Variants in CHN1 observed in about 807,000 individuals in gnomAD.
The protein encoded by CHN1 is N-chimaerin.
A neutral mutation model predicts 59.5 loss-of-function variants in CHN1; 37 were observed. That is an observed-to-expected ratio of 0.62 (90% CI 0.48 to 0.82). The LOEUF is 0.82. CHN1 is among the 40% of genes least tolerant of loss of function. The pLI, the probability that CHN1 is intolerant of heterozygous loss-of-function variation, is 0.00. For missense variants in CHN1, 469 were observed against 571.0 expected (o/e 0.82, Z 1.82); for synonymous variants, 206 against 200.4 (o/e 1.03, Z -0.24).
At chr2:174,903,101 C>G (rs1688438571) in intron 5 of CHN1, among the ~76,000 whole-genome samples, 1 of 152,158 alleles carries the variant, frequency 6.6e-6, no homozygotes, top group South Asian at 2.1e-4. Flanking sequence ...ATTCTAAACT[C>G]AAAGCCACAA....
At chr2:174,928,250 A>G (rs1441067677) in intron 3 of CHN1, among the ~76,000 whole-genome samples, 3 of 152,216 alleles carry the variant, frequency 2.0e-5, no homozygotes, top group Non-Finnish European at 4.4e-5. Context: ...TAATCATAGT[A>G]ATTCTATATA....
At chr2:174,958,879 T>C (rs1323870680) in intron 1 of CHN1, among the ~76,000 whole-genome samples, 1 of 152,176 alleles carries the variant, frequency 6.6e-6, no homozygotes, top group East Asian at 1.9e-4. Context: ...AAGCCGCTGT[T>C]AATGATTTCA....
intron 1 of CHN1, among the ~76,000 whole-genome samples, chr2:174,985,728 T>A (rs1470815877): frequency 1.3e-5 from 2 of 152,204 alleles, no homozygotes; most frequent in Non-Finnish European, 2.9e-5. Context: ...GTTTAAAATG[T>A]TAAATTGAAG....
In CHN1 at chr2:174,799,896, C is replaced by T. The variant is rs767492730; in HGVS notation, c.*220G>A. 3.0e-5 allele frequency: 19 copies of T among 640,790 alleles called. No homozygotes were observed. The highest frequency in any genetic ancestry group is 5.2e-5 in the Non-Finnish European group (18 of 347,874). 39.7% of individuals were successfully genotyped at this position (640,790 alleles called of 1,614,324 possible). On this transcript the variant is annotated 3_prime_UTR_variant, in exon 13 of 13. Transcript: ENST00000409900. ...ATGCAATAGCTTGAGTTTCTCTGAA[C>T]GTGATAAACACCCAGGATTACTAGA...
chr2:174,912,461 G>C (rs1301279087), intron 5 of CHN1, among the ~76,000 whole-genome samples: 4 of 152,182 alleles, frequency 2.6e-5, no homozygotes, highest in Admixed American at 2.6e-4. Flanking sequence ...AAAGTGTTGA[G>C]TTCAGTTTGA....
At chr2:174,940,116 G>A (rs1030804615) in intron 3 of CHN1, among the ~76,000 whole-genome samples, 1 of 151,946 alleles carries the variant, frequency 6.6e-6, no homozygotes, top group Non-Finnish European at 1.5e-5. Flanking sequence ...TGCAACCTCC[G>A]CCTCCTGGGT....
rs184772775 is a variant in CHN1, at chr2:174,948,618, G to A, written c.58+3546C>T. Among the ~76,000 whole-genome samples the A allele has an allele frequency of 6.4e-3, 973 of 152,274 alleles. 14 individuals carry two copies. Among genetic ancestry groups the A allele is most frequent in the African/African-American group, 0.022 (924 of 41,544 alleles). On this transcript the variant is annotated intron_variant, in intron 2 of 12. Coordinates refer to ENST00000409900, the MANE Select transcript of CHN1 (RefSeq NM_001822.7). The stretch of plus-strand genomic sequence containing the variant: ...TAAGTTTCTTCTAGAATCAAATTGT[G>A]AAATGCTGTTCAGATTCCACCATGC...
chr2:174,887,518 T>C (rs748140147), intron 5 of CHN1, among the ~76,000 whole-genome samples: 1 of 152,148 alleles, frequency 6.6e-6, no homozygotes, highest in East Asian at 1.9e-4. Context: ...CCTCATCTTA[T>C]AGATAAGGAA....
intron 5 of CHN1, among the ~76,000 whole-genome samples, chr2:174,905,988 A>G (rs764848981): frequency 1.6e-4 from 25 of 152,330 alleles, no homozygotes; most frequent in Non-Finnish European, 3.1e-4. Context: ...AAGGATGTGA[A>G]GAAACTGGAA....
chr2:174,987,552 C>T (rs1333780721), intron 1 of CHN1, among the ~76,000 whole-genome samples: 3 of 151,914 alleles, frequency 2.0e-5, no homozygotes, highest in African/African-American at 4.8e-5. Flanking sequence ...GGATAACAAG[C>T]GCCTACCACC....
intron 11 of CHN1, chr2:174,802,197 G>T: frequency 5.1e-6 from 1 of 194,952 alleles, no homozygotes; most frequent in South Asian, 1.0e-4. Context: ...CTTATAGAAT[G>T]GTACATTGCT....
At chr2:174,889,750 A>G (rs1687993615) in intron 5 of CHN1, among the ~76,000 whole-genome samples, 1 of 152,170 alleles carries the variant, frequency 6.6e-6, no homozygotes, top group Non-Finnish European at 1.5e-5. Flanking sequence ...GTGTATCAAT[A>G]TATGCATTAT....
chr2:174,890,778 AC>A (rs1235559251), intron 5 of CHN1, among the ~76,000 whole-genome samples: 5 of 152,132 alleles, frequency 3.3e-5, no homozygotes, highest in African/African-American at 1.2e-4. Context: ...AGAAGAATGC[AC>A]ATTCTTCTCA....
chr2:174,956,755 G>C (rs1289898211), intron 1 of CHN1, among the ~76,000 whole-genome samples: 1 of 136,262 alleles, frequency 7.3e-6, no homozygotes, highest in Non-Finnish European at 1.5e-5. Context: ...CTGGGTGACA[G>C]AGCAAGACTC....
intron 5 of CHN1, among the ~76,000 whole-genome samples, chr2:174,878,580 G>A (rs372687735): frequency 2.2e-4 from 33 of 152,318 alleles, no homozygotes; most frequent in African/African-American, 7.7e-4. Context: ...TAATAGGAAA[G>A]CTCCATTTAG....
chr2:174,946,538 T>C (rs562760314), intron 2 of CHN1, among the ~76,000 whole-genome samples: 1 of 152,290 alleles, frequency 6.6e-6, no homozygotes, highest in East Asian at 1.9e-4. Context: ...CAGTTTTAGA[T>C]ACCCATATTT....
chr2:174,976,624 A>G (rs968043572), intron 1 of CHN1, among the ~76,000 whole-genome samples: 6 of 152,188 alleles, frequency 3.9e-5, no homozygotes, highest in African/African-American at 1.4e-4. Context: ...CTAGTTTATC[A>G]TTACTTCTGG....
intron 8 of CHN1, among the ~76,000 whole-genome samples, chr2:174,823,437 G>A (rs560402446): frequency 6.6e-6 from 1 of 152,184 alleles, no homozygotes. Flanking sequence ...GCTGAGGCGG[G>A]TGGATCACGA....
intron 7 of CHN1, among the ~76,000 whole-genome samples, chr2:174,827,958 T>TG (rs1205016039): frequency 6.6e-6 from 1 of 152,152 alleles, no homozygotes; most frequent in African/African-American, 2.4e-5. Flanking sequence ...GGGTCACTGA[T>TG]GGAGCAAGGC....
Sources: gnomAD v4.1 joint callset for allele counts (sites outside exome capture counted in the v4.1 genomes callset) on GRCh38, gnomAD v4.1.1 for gene constraint, MANE v1.5 for transcripts, NCBI Gene and HGNC (gene_info 2026-07-23, HGNC 2026-07-21) for gene names.